CERKL: variants seen among roughly 807,000 people sequenced by gnomAD.
The protein encoded by CERKL is CERK like autophagy regulator.
A neutral mutation model predicts 63.4 loss-of-function variants in CERKL; 61 were observed. That is an observed-to-expected ratio of 0.96 (90% CI 0.78 to 1.19). CERKL has a LOEUF of 1.19. Ranked by LOEUF, CERKL falls within the 50% of genes most tolerant of loss-of-function variation. CERKL has a pLI of 0.00. For synonymous variants in CERKL, 250 were observed against 230.5 expected, an observed-to-expected ratio of 1.08 and a Z score of -0.77; for missense variants, 675 against 655.5, an observed-to-expected ratio of 1.03 and a Z score of -0.33.
At chr2:181,545,874 C>T (rs1023716156) in intron 10 of CERKL, among the ~76,000 whole-genome samples, 1 of 152,170 alleles carries the variant, frequency 6.6e-6, no homozygotes, top group Admixed American at 6.6e-5. Context: ...ACTTACATGG[C>T]TGGCACTGCT....
intron 1 of CERKL, among the ~76,000 whole-genome samples, chr2:181,608,127 C>A (rs1314375778): frequency 1.3e-5 from 2 of 151,948 alleles, no homozygotes; most frequent in Admixed American, 6.6e-5. Flanking sequence ...GCCTCAGCCT[C>A]CCTAGTAACT....
At chr2:181,645,102 A>G (rs951351760) in intron 1 of CERKL, among the ~76,000 whole-genome samples, 1 of 152,156 alleles carries the variant, frequency 6.6e-6, no homozygotes, top group Non-Finnish European at 1.5e-5. Flanking sequence ...ACTCAGGATC[A>G]TTTACCCACC....
intron 1 of CERKL, chr2:181,650,208 G>C (rs569318855): frequency 6.6e-6 from 1 of 152,026 alleles, no homozygotes; most frequent in East Asian, 1.9e-4. Flanking sequence ...AATCAACAAT[G>C]AGAAAAACTG....
At chr2:181,645,363 G>A (rs1687624334) in intron 1 of CERKL, among the ~76,000 whole-genome samples, 1 of 152,190 alleles carries the variant, frequency 6.6e-6, no homozygotes, top group Admixed American at 6.5e-5. Context: ...CTATATGCCA[G>A]GCACTCTTCA....
rs535972175 is a variant in CERKL, at chr2:181,561,606, A to G, written c.678-2898T>C. 3.9e-5 allele frequency among the ~76,000 whole-genome samples: 6 copies of G among 152,124 alleles called. No homozygotes were observed. In the South Asian group the frequency reaches 1.2e-3, roughly 32 times the overall value. ...TGCAAAGCTATCATTTGCAGGAGAA[A>G]TTTGCATTCTATAGAGAATCTCCTT... On this transcript the variant is annotated intron_variant, in intron 4 of 12. Coordinates refer to ENST00000410087, the MANE Select transcript of CERKL (RefSeq NM_201548.5).
chr2:181,548,267 C>T (rs56104379), intron 8 of CERKL: 68,892 of 485,614 alleles, frequency 0.14, 5,502 homozygotes, highest in African/African-American at 0.24. Flanking sequence ...GGGAAAAAAA[C>T]AAAGGAAAGG....
intron 5 of CERKL, among the ~76,000 whole-genome samples, chr2:181,555,710 G>C (rs1688173165): frequency 6.8e-6 from 1 of 147,708 alleles, no homozygotes; most frequent in South Asian, 2.2e-4. Context: ...CTTTTTAAAA[G>C]TTGATTCTTG....
chr2:181,616,807 A>T (rs539785285), intron 1 of CERKL, among the ~76,000 whole-genome samples: 21 of 152,342 alleles, frequency 1.4e-4, no homozygotes, highest in African/African-American at 4.6e-4. Flanking sequence ...CATTAATAAA[A>T]AGGTAGGTGT....
Position 181,558,828 on chromosome 2 carries a change from G to A in CERKL, c.678-120C>T. On this transcript the variant is annotated intron_variant, in intron 4 of 12. Transcript: ENST00000410087. The surrounding 1 kb of genome is among the most constrained non-coding windows in gnomAD (Gnocchi z 4.2). ...AGTCTATGTGCATAACTGCTCACAT[G>A]TACCTTTAAACATGTTAATATGTGT... 2 of 959,292 alleles carry A rather than the reference G, an allele frequency of 2.1e-6. No homozygotes were observed. The highest frequency in any genetic ancestry group is 2.8e-5 in the South Asian group (2 of 72,648). 59.4% of individuals were successfully genotyped at this position (959,292 alleles called of 1,614,324 possible).
intron 4 of CERKL, among the ~76,000 whole-genome samples, chr2:181,559,533 A>T (rs1688349499): frequency 6.6e-6 from 1 of 152,158 alleles, no homozygotes; most frequent in Non-Finnish European, 1.5e-5. Flanking sequence ...GAGTAGGCTC[A>T]ATCTAAAGGC....
chr2:181,539,944 T>A (rs1687419510), intron 11 of CERKL, among the ~76,000 whole-genome samples: 1 of 152,188 alleles, frequency 6.6e-6, no homozygotes, highest in Admixed American at 6.6e-5. Flanking sequence ...CCAAATAACT[T>A]GAGCAGAAAT....
chr2:181,568,117 G>A (rs1270454760), intron 3 of CERKL, among the ~76,000 whole-genome samples: 1 of 152,084 alleles, frequency 6.6e-6, no homozygotes, highest in Non-Finnish European at 1.5e-5. Context: ...ACTTCCTCAG[G>A]AAGACAAGAA....
At chr2:181,641,336 TATATATATACATATATATAC>T (rs1309446077) in intron 1 of CERKL, among the ~76,000 whole-genome samples, 32 of 20,780 alleles carry the variant, frequency 1.5e-3, no homozygotes, top group African/African-American at 9.4e-3. Context: ...TATATATATA[TATATATATACATATATATAC>T]ACATATTTTT....
At chr2:181,623,235 A>C (rs992192325) in intron 1 of CERKL, among the ~76,000 whole-genome samples, 2 of 152,236 alleles carry the variant, frequency 1.3e-5, no homozygotes, top group Non-Finnish European at 2.9e-5. Context: ...CTGCTTAAAA[A>C]TGCTTGAAGA....
At chr2:181,615,476 G>A (rs1003194434) in intron 1 of CERKL, among the ~76,000 whole-genome samples, 15 of 152,324 alleles carry the variant, frequency 9.8e-5, no homozygotes, top group African/African-American at 2.4e-4. Context: ...TCTGCTTGGC[G>A]CTAATTGTGC....
intron 1 of CERKL, among the ~76,000 whole-genome samples, chr2:181,639,050 T>G (rs1252409059): frequency 6.6e-6 from 1 of 152,220 alleles, no homozygotes; most frequent in Non-Finnish European, 1.5e-5. Flanking sequence ...AGCTATAATA[T>G]GGACCTCATT....
At chr2:181,612,329 G>GT (rs1036566538) in intron 1 of CERKL, among the ~76,000 whole-genome samples, 2 of 152,034 alleles carry the variant, frequency 1.3e-5, no homozygotes, top group East Asian at 3.8e-4. Flanking sequence ...AATTCCATGA[G>GT]TTTTTTTAAG....
At chr2:181,539,032 G>C in intron 12 of CERKL, 60 bp downstream of exon 12, 3 of 1,226,804 alleles carry the variant, frequency 2.4e-6, no homozygotes, top group Non-Finnish European at 3.6e-6. Flanking sequence ...GAGAGCTTTC[G>C]TTGTAATATT....
At chr2:181,610,637 A>T (rs541997478) in intron 1 of CERKL, among the ~76,000 whole-genome samples, 1 of 152,202 alleles carries the variant, frequency 6.6e-6, no homozygotes, top group Non-Finnish European at 1.5e-5. Flanking sequence ...GCAAGTTACA[A>T]AGTAATCTGA....
Sources: allele counts gnomAD v4.1 joint callset (sites outside exome capture counted in the v4.1 genomes callset), GRCh38; gene constraint gnomAD v4.1.1; non-coding constraint Gnocchi (gnomAD v3.1); transcripts MANE v1.5; gene names NCBI Gene and HGNC (gene_info 2026-07-23, HGNC 2026-07-21).